ABHD17C: variants seen among roughly 807,000 people sequenced by gnomAD.
ABHD17C encodes abhydrolase domain containing 17C, depalmitoylase, also known as alpha/beta hydrolase domain-containing protein 17C.
In ABHD17C, 11 loss-of-function variants were observed where a neutral mutation model predicts 27.9. The observed-to-expected ratio is 0.39, with a 90% CI of 0.25 to 0.65. The LOEUF is 0.65. ABHD17C is among the 30% of genes least tolerant of loss of function. The pLI is 0.45. For missense variants in ABHD17C, 280 were observed against 470.2 expected (o/e 0.60, Z 3.74); for synonymous variants, 233 against 209.1 (o/e 1.11, Z -0.98).
chr15:80,733,147 G>T (rs1220444380), intron 1 of ABHD17C, among the ~76,000 whole-genome samples: 1 of 152,154 alleles, frequency 6.6e-6, no homozygotes, highest in African/African-American at 2.4e-5. Flanking sequence ...TGATTGCAGA[G>T]CGTACTCTTC....
At chr15:80,717,800 G>C (rs537258476) in intron 1 of ABHD17C, among the ~76,000 whole-genome samples, 1 of 152,102 alleles carries the variant, frequency 6.6e-6, no homozygotes, top group Non-Finnish European at 1.5e-5. Context: ...GTAGGAAGCC[G>C]AACCTTCTCC....
At chr15:80,721,226 T>TTA (rs11393585) in intron 1 of ABHD17C, among the ~76,000 whole-genome samples, 1 of 151,582 alleles carries the variant, frequency 6.6e-6, no homozygotes, top group East Asian at 1.9e-4. Context: ...TTTTTTTTTT[T>TTA]AACTCTTTGA....
intron 1 of ABHD17C, among the ~76,000 whole-genome samples, chr15:80,706,950 T>C (rs1471236722): frequency 6.6e-6 from 1 of 152,226 alleles, no homozygotes. Context: ...GAAAGGACAA[T>C]TCGCATGCTA....
intron 1 of ABHD17C, among the ~76,000 whole-genome samples, chr15:80,709,249 G>A (rs1435637857): frequency 2.0e-5 from 3 of 152,032 alleles, no homozygotes; most frequent in Middle Eastern, 3.4e-3. Flanking sequence ...AGCACTTTGG[G>A]AGGCCGAGGC....
intron 1 of ABHD17C, among the ~76,000 whole-genome samples, chr15:80,745,785 T>TA (rs1218278722): frequency 6.6e-6 from 1 of 152,160 alleles, no homozygotes; most frequent in East Asian, 1.9e-4. Context: ...ACTATTGAAA[T>TA]AAAAATATGA....
At chr15:80,745,760 G>A (rs1393996208) in intron 1 of ABHD17C, among the ~76,000 whole-genome samples, 1 of 152,072 alleles carries the variant, frequency 6.6e-6, no homozygotes, top group Non-Finnish European at 1.5e-5. Flanking sequence ...ACCAAAAACC[G>A]CCTGTACCCC....
chr15:80,716,177 G>T (rs1005489123), intron 1 of ABHD17C, among the ~76,000 whole-genome samples: 3 of 152,154 alleles, frequency 2.0e-5, no homozygotes, highest in Admixed American at 6.5e-5. Flanking sequence ...AAAGAAGGGG[G>T]TTCTTTTATC....
At chr15:80,706,369 AC>A (rs2141492280) in intron 1 of ABHD17C, among the ~76,000 whole-genome samples, 1 of 152,350 alleles carries the variant, frequency 6.6e-6, no homozygotes, top group East Asian at 1.9e-4. Flanking sequence ...TAACGGTTGT[AC>A]GTCAATTACT....
At chr15:80,750,930 A>G (rs1017510050) in intron 2 of ABHD17C, among the ~76,000 whole-genome samples, 2 of 151,702 alleles carry the variant, frequency 1.3e-5, no homozygotes, top group Admixed American at 6.6e-5. Context: ...AAATACAGCC[A>G]TCTCAACAAA....
chr15:80,708,254 A>G (rs1894675651), intron 1 of ABHD17C, among the ~76,000 whole-genome samples: 1 of 151,954 alleles, frequency 6.6e-6, no homozygotes, highest in Non-Finnish European at 1.5e-5. Flanking sequence ...CGGAATTACT[A>G]CACTAGCCCG....
chr15:80,701,922 C>A (rs7164776), intron 1 of ABHD17C, among the ~76,000 whole-genome samples: 15,172 of 152,112 alleles, frequency 0.1, 1,431 homozygotes, highest in East Asian at 0.55. Context: ...TTTTGTCATA[C>A]CTGGCTCTTC....
intron 1 of ABHD17C, among the ~76,000 whole-genome samples, chr15:80,717,488 G>A (rs1894821959): frequency 6.6e-6 from 1 of 151,602 alleles, no homozygotes; most frequent in Non-Finnish European, 1.5e-5. Context: ...CTGCTTCCCA[G>A]TTTCAAGCGA....
chr15:80,709,181 A>G (rs1003099904), intron 1 of ABHD17C, among the ~76,000 whole-genome samples: 1 of 151,532 alleles, frequency 6.6e-6, no homozygotes, highest in Non-Finnish European at 1.5e-5. Context: ...ATATAAATAT[A>G]TAGTTTTTTA....
chr15:80,697,119 G>A (rs981472067), intron 1 of ABHD17C, among the ~76,000 whole-genome samples: 1 of 151,734 alleles, frequency 6.6e-6, no homozygotes, highest in Admixed American at 6.6e-5. Flanking sequence ...TCGTACTCAC[G>A]CATATGTTCC....
intron 1 of ABHD17C, among the ~76,000 whole-genome samples, chr15:80,721,522 A>G (rs1894897145): frequency 6.6e-6 from 1 of 152,208 alleles, no homozygotes; most frequent in South Asian, 2.1e-4. Context: ...GAGGTATTGA[A>G]CATTAAATCA....
intron 1 of ABHD17C, among the ~76,000 whole-genome samples, chr15:80,720,690 GC>G (rs1163471247): frequency 1.3e-5 from 2 of 152,108 alleles, no homozygotes; most frequent in Admixed American, 1.3e-4. Context: ...GGAGGCCTAG[GC>G]AGGCGGATCA....
chr15:80,706,953 G>T (rs1480102500), intron 1 of ABHD17C, among the ~76,000 whole-genome samples: 1 of 152,126 alleles, frequency 6.6e-6, no homozygotes, highest in Non-Finnish European at 1.5e-5. Flanking sequence ...AGGACAATTC[G>T]CATGCTAATC....
chr15:80,739,248 A>G (rs575035280), intron 1 of ABHD17C, among the ~76,000 whole-genome samples: 1 of 152,228 alleles, frequency 6.6e-6, no homozygotes, highest in African/African-American at 2.4e-5. Context: ...CTGGCCCCTG[A>G]AAACACAGCC....
intron 1 of ABHD17C, among the ~76,000 whole-genome samples, chr15:80,715,641 C>G (rs778479617): frequency 1.3e-5 from 2 of 152,170 alleles, no homozygotes; most frequent in African/African-American, 2.4e-5. Flanking sequence ...GAGCAACCCA[C>G]CTATTTCTAA....
Sources: gnomAD v4.1 joint callset for allele counts (sites outside exome capture counted in the v4.1 genomes callset) on GRCh38, gnomAD v4.1.1 for gene constraint, MANE v1.5 for transcripts, NCBI Gene and HGNC (gene_info 2026-07-23, HGNC 2026-07-21) for gene names.